The following XRN2 variants were observed in gnomAD, a reference collection of about 807,000 sequenced individuals.
XRN2 encodes 5'-3' exoribonuclease 2.
XRN2 carries 44 observed loss-of-function variants against 138.5 expected under a neutral mutation model. That is an observed-to-expected ratio of 0.32 (90% CI 0.25 to 0.41). The LOEUF is 0.41. Ranked by LOEUF, XRN2 falls within the 10% of genes least tolerant of loss-of-function variation. The probability of loss-of-function intolerance (pLI) is 1.00; values close to 1 mark genes in which losing one functional copy is unlikely to be tolerated. For synonymous variants in XRN2, 354 were observed against 369.4 expected, an observed-to-expected ratio of 0.96 and a Z score of 0.48; for missense variants, 937 against 1,169.3, an observed-to-expected ratio of 0.80 and a Z score of 2.90.
chr20:21,356,465 A>T (rs2038577106), intron 22 of XRN2, 121 bp from the exon 23 acceptor site: 1 of 778,088 alleles, frequency 1.3e-6, no homozygotes, highest in Non-Finnish European at 2.1e-6. Flanking sequence ...ATTGGTAAAT[A>T]TTTGGGTTTG....
Position 21,332,433 on chromosome 20 carries a change from A to C in XRN2, c.851A>C (p.Lys284Thr), listed in dbSNP as rs748614827. The C allele has an allele frequency of 6.2e-7, 1 of 1,606,598 alleles. No individual in the cohort carries two copies. The highest frequency in any genetic ancestry group is 2.2e-5 in the East Asian group (1 of 44,766). The change falls in exon 9 of 30, where the codon AAG becomes ACG. Residue 284 changes from lysine (K) to threonine (T), a missense_variant. Lys to Thr is a moderately conservative substitution (Grantham distance 78). This residue lies in a region of XRN2 where 471 missense variants were observed against 581.2 expected (regional missense o/e 0.81). Transcript: ENST00000377191. Reference protein sequence around the residue: ...KDCEGLPREKKGKHDELADSL... With the variant: ...KDCEGLPREKTGKHDELADSL... Reference sequence around the variant, plus strand: ...TGTGAAGGTTTGCCAAGAGAAAAGAAGGGAAAGGTAAGAACTTTGAGATGG... The same window carrying C: ...TGTGAAGGTTTGCCAAGAGAAAAGACGGGAAAGGTAAGAACTTTGAGATGG...
rs184584113 is a variant in XRN2 at position 21,386,803 on chromosome 20, C to T, written c.2649-65C>T. The T allele has an allele frequency of 5.5e-4, 843 of 1,541,490 alleles. 1 individual carries two copies. The African/African-American group carries it at 0.01, about 19-fold the overall frequency. ...ACTAAAATTTGGAGATGATACCTGC[C>T]GATTTTAGGCTTTGTGCTGTATAAT... On this transcript the variant is annotated intron_variant, in intron 28 of 29. Transcript: ENST00000377191.
intron 1 of XRN2, among the ~76,000 whole-genome samples, chr20:21,315,496 T>TC (rs1212277197): frequency 6.6e-6 from 1 of 152,132 alleles, no homozygotes; most frequent in East Asian, 1.9e-4. Context: ...TGTCTCCTCT[T>TC]CCCCCTTTTT....
At chr20:21,321,339 GTGTGTGT>G (rs2038041100) in intron 1 of XRN2, among the ~76,000 whole-genome samples, 1 of 150,106 alleles carries the variant, frequency 6.7e-6, no homozygotes, top group East Asian at 1.9e-4. Context: ...GTGTGTGTGT[GTGTGTGT>G]GTGTAGGGTC....
At chr20:21,332,090 A>G (rs544207197) in intron 8 of XRN2, among the ~76,000 whole-genome samples, 193 bp from the exon 9 acceptor site, 3 of 152,268 alleles carry the variant, frequency 2.0e-5, no homozygotes, top group East Asian at 3.9e-4. Flanking sequence ...GTGGCAGTCT[A>G]TGTTGTAGGT....
intron 1 of XRN2, among the ~76,000 whole-genome samples, chr20:21,323,410 A>G (rs1330366825): frequency 1.3e-5 from 2 of 152,202 alleles, no homozygotes; most frequent in African/African-American, 2.4e-5. Context: ...ATTACTTGAA[A>G]TACATTGGTT....
In XRN2 at chr20:21,332,383, T is replaced by A; in HGVS notation, c.801T>A (p.Asn267Lys). ...PNKPKPCGLC[N>K]QFGHEVKDCE... ...AGCCCAAACCATGTGGTCTTTGTAATCAGTTTGGACATGAGGTCAAAGATT... is the reference window on the plus strand; with the variant it reads ...AGCCCAAACCATGTGGTCTTTGTAAACAGTTTGGACATGAGGTCAAAGATT... Residue 267 changes from asparagine (N) to lysine (K), a missense_variant, in exon 9 of 30, where the codon AAT becomes AAA. Physicochemically the swap from Asn to Lys is moderately conservative, Grantham distance 94. Transcript: ENST00000377191. 1 of 1,613,738 alleles carries A rather than the reference T, an allele frequency of 6.2e-7. No homozygotes were observed. The highest frequency in any genetic ancestry group is 8.5e-7 in the Non-Finnish European group (1 of 1,179,828).
At chr20:21,317,419 G>A (rs1305109972) in intron 1 of XRN2, among the ~76,000 whole-genome samples, 1 of 151,900 alleles carries the variant, frequency 6.6e-6, no homozygotes, top group Admixed American at 6.6e-5. Context: ...TTGGTTTTTG[G>A]ATGTTCAACT....
chr20:21,313,832 A>G (rs2037920920), intron 1 of XRN2, among the ~76,000 whole-genome samples: 1 of 152,208 alleles, frequency 6.6e-6, no homozygotes, highest in Non-Finnish European at 1.5e-5. Context: ...GAAAAATCAT[A>G]AGGTGGACAT....
intron 24 of XRN2, 106 bp from the exon 25 acceptor site, chr20:21,365,315 C>A: frequency 9.3e-7 from 1 of 1,074,032 alleles, no homozygotes; most frequent in Non-Finnish European, 1.3e-6. Flanking sequence ...CATTTATTAA[C>A]TAAAATAATT....
At position 21,356,662 on chromosome 20, in the gene XRN2, A is replaced by C; in HGVS notation, c.2195A>C (p.Asp732Ala). Residue 732 changes from aspartate (D) to alanine (A), a missense_variant, in exon 23 of 30, where the codon GAT (aspartate) becomes GCT (alanine). Around this residue, in one of 6 missense-constraint regions of XRN2, gnomAD observed 372 missense variants for 414.4 expected, o/e 0.90. Transcript: ENST00000377191. ...FSLDEEAILPDQIVCSPVPML... is the reference protein window; with the variant it reads ...FSLDEEAILPAQIVCSPVPML... Reference sequence around the variant, plus strand: ...TTGGATGAAGAAGCCATTCTTCCAGATCAGTAAGTTTCATTTTGTATATAA... The same window carrying C: ...TTGGATGAAGAAGCCATTCTTCCAGCTCAGTAAGTTTCATTTTGTATATAA... 4 of 1,613,128 alleles carry C rather than the reference A, an allele frequency of 2.5e-6. No individual in the cohort carries two copies. The highest frequency in any genetic ancestry group is 3.4e-6 in the Non-Finnish European group (4 of 1,179,296).
At chr20:21,330,863 TCCTTGC>T (rs1189269740) in intron 6 of XRN2, among the ~76,000 whole-genome samples, 158 bp downstream of exon 6, 1 of 152,218 alleles carries the variant, frequency 6.6e-6, no homozygotes, top group Non-Finnish European at 1.5e-5. Context: ...AGATGGGGTA[TCCTTGC>T]ATGGTTAGGT....
intron 27 of XRN2, among the ~76,000 whole-genome samples, chr20:21,375,829 T>TTATTTATTTATTTA (rs2038814821): frequency 7.4e-6 from 1 of 135,904 alleles, no homozygotes; most frequent in Admixed American, 7.3e-5. Context: ...TTTATTTATT[T>TTATTTATTTATTTA]TTTATTTATT....
intron 3 of XRN2, among the ~76,000 whole-genome samples, chr20:21,326,910 A>G (rs541233599): frequency 8.5e-5 from 13 of 152,334 alleles, no homozygotes; most frequent in South Asian, 2.1e-4. Context: ...TATAAGCACT[A>G]GATAATACAT....
At chr20:21,304,331 CTG>C (rs748261276) in intron 1 of XRN2, among the ~76,000 whole-genome samples, 33 of 149,080 alleles carry the variant, frequency 2.2e-4, no homozygotes, top group African/African-American at 7.9e-4. Flanking sequence ...TTGCCTGTCA[CTG>C]TGAACTTATT....
chr20:21,377,059 A>G (rs1341217167), intron 27 of XRN2, among the ~76,000 whole-genome samples: 5 of 152,084 alleles, frequency 3.3e-5, no homozygotes, highest in African/African-American at 1.2e-4. Flanking sequence ...AAGAGTTTGG[A>G]CTTCCTAGAA....
At chr20:21,365,525 A>C in intron 25 of XRN2, 36 bp downstream of exon 25, 2 of 1,613,728 alleles carry the variant, frequency 1.2e-6, no homozygotes, top group African/African-American at 1.3e-5. Context: ...TATTTTGTAC[A>C]AATGGTTTTC....
At chr20:21,384,223 ATTGT>A (rs1476404096) in intron 28 of XRN2, among the ~76,000 whole-genome samples, 2 of 152,114 alleles carry the variant, frequency 1.3e-5, no homozygotes, top group East Asian at 1.9e-4. Context: ...GTTTTGCCAC[ATTGT>A]TTGGGTTCTT....
chr20:21,368,349 A>G (rs2069813479), intron 26 of XRN2, 114 bp from the exon 27 acceptor site: 1 of 1,309,720 alleles, frequency 7.6e-7, no homozygotes, highest in South Asian at 1.5e-5. Flanking sequence ...TATTATCTTA[A>G]TCAGATCTGT....
Sources: gnomAD v4.1 joint callset for allele counts (sites outside exome capture counted in the v4.1 genomes callset) on GRCh38, gnomAD v4.1.1 for gene constraint, gnomAD v4.1.1 regional missense constraint, MANE v1.5 for transcripts, NCBI Gene and HGNC (gene_info 2026-07-23, HGNC 2026-07-21) for gene names.